Variants in AGBL4 observed in about 807,000 individuals in gnomAD.
AGBL4 encodes the protein cytosolic carboxypeptidase 6.
Under a neutral mutation model 66.4 loss-of-function variants are expected in AGBL4, and 58 were observed. That is an observed-to-expected ratio of 0.87 (90% confidence interval 0.71 to 1.09). AGBL4 has a LOEUF of 1.09. AGBL4 is among the 50% of genes least tolerant of loss of function. AGBL4 has a pLI of 0.00. For missense variants in AGBL4, 579 were observed against 631.0 expected, an observed-to-expected ratio of 0.92 and a Z score of 0.88; for synonymous variants, 234 against 222.9, an observed-to-expected ratio of 1.05 and a Z score of -0.44.
At chr1:49,230,924 T>C (rs1557749586) in intron 4 of AGBL4, among the ~76,000 whole-genome samples, 2 of 152,294 alleles carry the variant, frequency 1.3e-5, no homozygotes, top group South Asian at 4.1e-4. Context: ...GAGCAAAAAG[T>C]ATTCTGTTTA....
intron 2 of AGBL4, among the ~76,000 whole-genome samples, chr1:49,774,578 T>A (rs1644148938): frequency 6.6e-6 from 1 of 152,254 alleles, no homozygotes; most frequent in African/African-American, 2.4e-5. Flanking sequence ...AATTAAGAGA[T>A]ATGCCTAGAT....
At chr1:49,377,838 G>C (rs1022846310) in intron 3 of AGBL4, among the ~76,000 whole-genome samples, 1 of 152,080 alleles carries the variant, frequency 6.6e-6, no homozygotes, top group Admixed American at 6.6e-5. Flanking sequence ...CCTGGCTCCA[G>C]AGGGATATAG....
chr1:49,437,171 T>C (rs889838219), intron 3 of AGBL4, among the ~76,000 whole-genome samples: 1 of 152,166 alleles, frequency 6.6e-6, no homozygotes, highest in Non-Finnish European at 1.5e-5. Flanking sequence ...TACCCTGCTT[T>C]TTTCCATTAT....
At chr1:49,874,849 A>C (rs1342330876) in intron 1 of AGBL4, among the ~76,000 whole-genome samples, 1 of 151,738 alleles carries the variant, frequency 6.6e-6, no homozygotes, top group Admixed American at 6.6e-5. Flanking sequence ...TTATACTTTA[A>C]GTTTTAGGGT....
intron 3 of AGBL4, among the ~76,000 whole-genome samples, chr1:49,656,178 C>G (rs1281653475): frequency 2.6e-5 from 4 of 151,828 alleles, no homozygotes; most frequent in African/African-American, 4.8e-5. Flanking sequence ...GGGGATCCCA[C>G]CACCAATCCC....
At chr1:48,638,360 A>T (rs1645701514) in intron 8 of AGBL4, among the ~76,000 whole-genome samples, 1 of 152,054 alleles carries the variant, frequency 6.6e-6, no homozygotes, top group Non-Finnish European at 1.5e-5. Flanking sequence ...TTTTAAATTT[A>T]TTTTTTTAAA....
intron 4 of AGBL4, among the ~76,000 whole-genome samples, chr1:49,129,649 T>C (rs1246925449): frequency 6.6e-6 from 1 of 152,068 alleles, no homozygotes; most frequent in Non-Finnish European, 1.5e-5. Context: ...GAACTCATCA[T>C]TTTTTATGGC....
At chr1:49,624,154 A>G (rs1645422729) in intron 3 of AGBL4, among the ~76,000 whole-genome samples, 1 of 152,074 alleles carries the variant, frequency 6.6e-6, no homozygotes, top group Admixed American at 6.6e-5. Flanking sequence ...AATTACCATC[A>G]TCACCATCAT....
chr1:48,667,886 A>G (rs1464575488), intron 6 of AGBL4, among the ~76,000 whole-genome samples: 1 of 152,164 alleles, frequency 6.6e-6, no homozygotes, highest in Non-Finnish European at 1.5e-5. Context: ...TCATATTGTC[A>G]GTTTTGTTTC....
In AGBL4 at chr1:49,219,020, C is replaced by T. The variant is rs75302160; in HGVS notation, c.377+26750G>A. Among the ~76,000 whole-genome samples the T allele has an allele frequency of 7.8e-4, 118 of 152,232 alleles. 5 individuals are homozygous for T. The East Asian group carries it at 0.019, about 25-fold the overall frequency. On this transcript the variant is annotated intron_variant, in intron 4 of 13. Coordinates refer to ENST00000371839, the MANE Select transcript of AGBL4 (RefSeq NM_032785.4). Reference sequence around the variant, plus strand: ...AACCTCTTTTACTTTATAAATTACCCAGTCTCGAGTATGTCTCTATCAGCA... The same window carrying T: ...AACCTCTTTTACTTTATAAATTACCTAGTCTCGAGTATGTCTCTATCAGCA...
At chr1:49,267,570 C>T (rs1176543422) in intron 3 of AGBL4, among the ~76,000 whole-genome samples, 1 of 151,996 alleles carries the variant, frequency 6.6e-6, no homozygotes, top group Non-Finnish European at 1.5e-5. Context: ...GTCCAAGCTA[C>T]TCGAGAGGCT....
At chr1:48,548,262 T>G (rs1490088275) in intron 11 of AGBL4, among the ~76,000 whole-genome samples, 1 of 151,702 alleles carries the variant, frequency 6.6e-6, no homozygotes, top group Non-Finnish European at 1.5e-5. Context: ...CAGCATTAAG[T>G]AGAGTGCTCA....
rs373368239 is a variant in AGBL4 at position 49,764,253 on chromosome 1, G to A, written c.158-66816C>T. On this transcript the variant is annotated intron_variant, in intron 2 of 13. Coordinates refer to ENST00000371839, the MANE Select transcript of AGBL4 (RefSeq NM_032785.4). ...CCAGCATCGCCTGGGTGGGAGGGAA[G>A]TGTAAGCATGCCATGTACCCCACAG... Among the ~76,000 whole-genome samples, 50 of 152,208 alleles carry A rather than the reference G, an allele frequency of 3.3e-4. 1 individual carries two copies. In the South Asian group the frequency reaches 9.6e-3, roughly 29 times the overall value.
chr1:49,264,385 C>T (rs6588339), intron 3 of AGBL4, among the ~76,000 whole-genome samples: 143,344 of 152,248 alleles, frequency 0.94, 67,518 homozygotes, highest in Admixed American at 0.97. Flanking sequence ...TTTTTCCAAA[C>T]GGTTAGCAAG....
intron 3 of AGBL4, among the ~76,000 whole-genome samples, chr1:49,556,073 T>C (rs1179397437): frequency 6.6e-6 from 1 of 152,172 alleles, no homozygotes; most frequent in African/African-American, 2.4e-5. Flanking sequence ...TAAAGACACA[T>C]GCACACGTAT....
chr1:48,899,805 A>G (rs1337458758), intron 5 of AGBL4, among the ~76,000 whole-genome samples: 1 of 152,282 alleles, frequency 6.6e-6, no homozygotes, highest in African/African-American at 2.4e-5. Flanking sequence ...AAAGTTAAGA[A>G]AACAGACACA....
chr1:49,363,525 C>T (rs902290500), intron 3 of AGBL4, among the ~76,000 whole-genome samples: 5 of 152,158 alleles, frequency 3.3e-5, no homozygotes, highest in Admixed American at 1.3e-4. Flanking sequence ...ATGAACATGT[C>T]AGATGCTGAA....
At chr1:49,667,387 G>C (rs531401591) in intron 3 of AGBL4, among the ~76,000 whole-genome samples, 1 of 152,164 alleles carries the variant, frequency 6.6e-6, no homozygotes, top group Admixed American at 6.5e-5. Context: ...GAGCCGGGGA[G>C]GTCAAGGCTT....
chr1:49,011,885 G>T (rs573878322), intron 5 of AGBL4, among the ~76,000 whole-genome samples: 1 of 63,958 alleles, frequency 1.6e-5, no homozygotes, highest in African/African-American at 5.0e-5. Flanking sequence ...CTGTTGTGGG[G>T]TGGGGGGTGG....
Sources: gnomAD v4.1 joint callset for allele counts (sites outside exome capture counted in the v4.1 genomes callset) on GRCh38, gnomAD v4.1.1 for gene constraint, MANE v1.5 for transcripts, NCBI Gene and HGNC (gene_info 2026-07-23, HGNC 2026-07-21) for gene names.